The following GOT2 variants were observed in gnomAD, a reference collection of about 807,000 sequenced individuals.
GOT2 encodes the protein aspartate aminotransferase, mitochondrial.
Under a neutral mutation model 50.0 loss-of-function variants are expected in GOT2, and 17 were observed. That is an observed-to-expected ratio of 0.34 (90% CI 0.23 to 0.51). GOT2 has a LOEUF of 0.51. GOT2 is among the 20% of genes least tolerant of loss of function. The pLI is 0.97. For synonymous variants in GOT2, 172 were observed against 204.9 expected (o/e 0.84, Z 1.37); for missense variants, 430 against 559.6 (o/e 0.77, Z 2.34).
intron 1 of GOT2, among the ~76,000 whole-genome samples, chr16:58,725,453 T>C (rs1284554650): frequency 4.6e-5 from 7 of 152,238 alleles, no homozygotes; most frequent in Non-Finnish European, 7.3e-5. Flanking sequence ...TAACTTACAC[T>C]TTTGGTCTAA....
At position 58,710,198 on chromosome 16, in the gene GOT2, C is replaced by T. The variant is rs150753129; in HGVS notation, c.1020-631G>A. 3.3e-3 allele frequency among the ~76,000 whole-genome samples: 500 copies of T among 151,816 alleles called. 2 individuals carry two copies. Among genetic ancestry groups the T allele is most frequent in the African/African-American group, 0.011 (454 of 41,388 alleles). ...CAGGTGTGAGCCACCACGCCTGGCC[C>T]ATTTTCTTTTTCTTTTTCTTTTTTT... On this transcript the variant is annotated intron_variant, in intron 8 of 9. Transcript: ENST00000245206.
chr16:58,718,807 G>A, intron 4 of GOT2, 119 bp from the exon 5 acceptor site: 1 of 810,734 alleles, frequency 1.2e-6, no homozygotes, highest in Non-Finnish European at 1.9e-6. Flanking sequence ...CTATGGTTGA[G>A]AAGCAGTATT....
chr16:58,724,436 T>G (rs1254504923), intron 1 of GOT2, among the ~76,000 whole-genome samples: 2 of 152,066 alleles, frequency 1.3e-5, no homozygotes, highest in African/African-American at 4.8e-5. Flanking sequence ...TACAGAAAAT[T>G]GAGCAGATAG....
intron 8 of GOT2, among the ~76,000 whole-genome samples, chr16:58,715,449 C>G (rs2044684376): frequency 6.6e-6 from 1 of 152,096 alleles, no homozygotes; most frequent in South Asian, 2.1e-4. Context: ...GGCTGGAGGA[C>G]TGCTTGAGGC....
intron 8 of GOT2, 43 bp downstream of exon 8, chr16:58,715,971 G>C: frequency 6.7e-7 from 1 of 1,500,820 alleles, no homozygotes; most frequent in Non-Finnish European, 9.1e-7. Flanking sequence ...AAGGAGCAGT[G>C]GTGGGAACAG....
rs182729449 is a variant in GOT2, at chr16:58,714,844, A to G, written c.1019+1170T>C. 1.1e-4 allele frequency among the ~76,000 whole-genome samples: 16 copies of G among 152,260 alleles called. No homozygotes were observed. In the East Asian group the frequency reaches 2.5e-3, roughly 24 times the overall value. ...TGTTCAAGGTCATGATGTAAAATAT[A>G]TATTTTTAAAATTTTATAGATGGGG... On this transcript the variant is annotated intron_variant, in intron 8 of 9. Transcript: ENST00000245206.
At position 58,716,715 on chromosome 16, in the gene GOT2, C is replaced by T; in HGVS notation, c.801G>A (p.Gln267=). 1 of 1,613,944 alleles carries T rather than the reference C, an allele frequency of 6.2e-7. No individual in the cohort carries two copies. The highest frequency in any genetic ancestry group is 1.3e-5 in the African/African-American group (1 of 75,056). Reference sequence around the variant, plus strand: ...ATTGGCAGAGGCAAACATTAATGCCCTGTTCGATGAAGTGGCGCACAGCCC... The same window carrying T: ...ATTGGCAGAGGCAAACATTAATGCCTTGTTCGATGAAGTGGCGCACAGCCC... The part of the protein sequence containing the change: ...DAWAVRHFIE[Q]GINVCLCQSY... The change falls in exon 7 of 10, where the codon CAG becomes CAA. Residue 267 remains glutamine, a synonymous_variant. Transcript: ENST00000245206.
At chr16:58,728,287 C>T (rs1447500347) in intron 1 of GOT2, among the ~76,000 whole-genome samples, 3 of 152,142 alleles carry the variant, frequency 2.0e-5, no homozygotes, top group Admixed American at 2.0e-4. Context: ...CAGCCACCTG[C>T]CAGCTGTGTG....
chr16:58,717,341 C>T (rs1567487299), intron 6 of GOT2, among the ~76,000 whole-genome samples: 2 of 151,088 alleles, frequency 1.3e-5, no homozygotes, highest in Non-Finnish European at 2.9e-5. Context: ...TGTGCCACTG[C>T]GTTCTGGCTT....
chr16:58,722,398 T>C (rs1411445281), intron 2 of GOT2, 120 bp from the exon 3 acceptor site: 2 of 947,084 alleles, frequency 2.1e-6, no homozygotes, highest in Non-Finnish European at 3.2e-6. Context: ...TGAGATGGAG[T>C]TTTGCTCTGT....
intron 7 of GOT2, 145 bp downstream of exon 7, chr16:58,716,518 G>C: frequency 2.9e-6 from 2 of 695,602 alleles, no homozygotes; most frequent in South Asian, 3.9e-5. Flanking sequence ...CTACGATACT[G>C]GTCTTTCATC....
chr16:58,717,205 C>G (rs1395011132), intron 6 of GOT2, among the ~76,000 whole-genome samples: 2 of 152,174 alleles, frequency 1.3e-5, no homozygotes, highest in East Asian at 3.9e-4. Flanking sequence ...GAGATGCTGT[C>G]TCTGTGAAAA....
At chr16:58,724,583 C>T (rs568043759) in intron 1 of GOT2, among the ~76,000 whole-genome samples, 124 of 152,328 alleles carry the variant, frequency 8.1e-4, no homozygotes, top group African/African-American at 2.9e-3. Flanking sequence ...CTTTGTCACT[C>T]AGGCTGGAGT....
At chr16:58,723,938 C>T in intron 1 of GOT2, 36 bp from the exon 2 acceptor site, 1 of 1,585,252 alleles carries the variant, frequency 6.3e-7, no homozygotes, top group South Asian at 1.1e-5. Flanking sequence ...ATCCCATTAG[C>T]TAGATCCAAG....
intron 3 of GOT2, chr16:58,721,638 T>C (rs910798191): frequency 6.6e-6 from 1 of 152,464 alleles, no homozygotes; most frequent in African/African-American, 2.4e-5. Flanking sequence ...GGATTACTAC[T>C]AGTACATTTT....
intron 8 of GOT2, among the ~76,000 whole-genome samples, chr16:58,715,514 T>C (rs1273663228): frequency 1.3e-5 from 2 of 152,006 alleles, no homozygotes; most frequent in East Asian, 3.9e-4. Flanking sequence ...CCAGACTGGG[T>C]GACAGAGCAA....
intron 1 of GOT2, among the ~76,000 whole-genome samples, chr16:58,729,938 T>TA (rs2044820673): frequency 6.6e-6 from 1 of 152,138 alleles, no homozygotes; most frequent in South Asian, 2.1e-4. Context: ...AAAAATGTAA[T>TA]AAATTATGTT....
intron 3 of GOT2, chr16:58,721,642 A>G (rs1175066958): frequency 6.6e-6 from 1 of 152,476 alleles, no homozygotes; most frequent in Non-Finnish European, 1.5e-5. Context: ...TACTACTAGT[A>G]CATTTTTGGA....
In GOT2 at chr16:58,715,404, T is replaced by TA. The variant is rs554455015; in HGVS notation, c.1019+609_1019+610insT. Among the ~76,000 whole-genome samples the TA allele has an allele frequency of 7.2e-5, 11 of 152,238 alleles. No individual in the cohort carries two copies. The South Asian group carries it at 2.3e-3, about 32-fold the overall frequency. ...TCTTACAGAGAAATATCAATTAACTTGGTTCAAAGTGCTAACAAATACTCG... is the reference window on the plus strand; with the variant it reads ...TCTTACAGAGAAATATCAATTAACTTAGGTTCAAAGTGCTAACAAATACTCG... On this transcript the variant is annotated intron_variant, in intron 8 of 9. Coordinates refer to ENST00000245206, the MANE Select transcript of GOT2 (RefSeq NM_002080.4).
Sources: gnomAD v4.1 joint callset for allele counts (sites outside exome capture counted in the v4.1 genomes callset) on GRCh38, gnomAD v4.1.1 for gene constraint, MANE v1.5 for transcripts, NCBI Gene and HGNC (gene_info 2026-07-23, HGNC 2026-07-21) for gene names.